Variants in RNF130 observed in about 807,000 individuals in gnomAD.
RNF130 encodes ring finger protein 130, also known as E3 ubiquitin-protein ligase RNF130.
RNF130 carries 21 observed loss-of-function variants against 44.6 expected under a neutral mutation model. The ratio of observed to expected loss-of-function variants is 0.47; its 90% CI spans 0.33 to 0.68. The LOEUF is 0.68. Ranked by LOEUF, RNF130 falls within the 30% of genes least tolerant of loss-of-function variation. The pLI is 0.02. For missense variants in RNF130, 479 were observed against 560.6 expected, an observed-to-expected ratio of 0.85 and a Z score of 1.47; for synonymous variants, 214 against 210.4, an observed-to-expected ratio of 1.02 and a Z score of -0.15.
chr5:179,957,398 C>T (rs1056502977), intron 8 of RNF130, among the ~76,000 whole-genome samples: 7 of 152,240 alleles, frequency 4.6e-5, no homozygotes, highest in East Asian at 3.9e-4. Flanking sequence ...GGTGAGAGAG[C>T]GAGACCCTGT....
At chr5:180,003,806 C>T (rs1763401575) in intron 3 of RNF130, among the ~76,000 whole-genome samples, 1 of 152,144 alleles carries the variant, frequency 6.6e-6, no homozygotes, top group Admixed American at 6.5e-5. Flanking sequence ...TTACCTTCAC[C>T]TAAACACCAT....
chr5:179,946,528 C>T (rs943683900), intron 7 of RNF130, among the ~76,000 whole-genome samples: 1 of 151,610 alleles, frequency 6.6e-6, no homozygotes, highest in South Asian at 2.1e-4. Context: ...CTTAACAGAC[C>T]GACCAGTACA....
At chr5:180,009,054 TGA>T (rs980715974) in intron 3 of RNF130, among the ~76,000 whole-genome samples, 11 of 152,132 alleles carry the variant, frequency 7.2e-5, no homozygotes, top group Non-Finnish European at 1.5e-4. Context: ...AAAGAAGTGC[TGA>T]GAGAGAAATT....
intron 7 of RNF130, among the ~76,000 whole-genome samples, chr5:179,931,930 C>G (rs1233047964): frequency 2.0e-5 from 3 of 152,196 alleles, no homozygotes; most frequent in African/African-American, 7.2e-5. Context: ...TGCTATCCCC[C>G]AAACCACTTC....
chr5:179,966,273 T>C (rs973546223), intron 7 of RNF130, among the ~76,000 whole-genome samples: 1 of 152,150 alleles, frequency 6.6e-6, no homozygotes, highest in African/African-American at 2.4e-5. Context: ...TCCTACCTCA[T>C]GTACAACTAC....
chr5:180,045,326 G>A (rs999781075), intron 1 of RNF130, among the ~76,000 whole-genome samples: 27 of 152,124 alleles, frequency 1.8e-4, no homozygotes, highest in African/African-American at 6.3e-4. Flanking sequence ...GGACCCTCAC[G>A]GTGTTACAGT....
chr5:179,920,390 C>T (rs902786786), exon 8 of RNF130: 14 of 702,096 alleles, frequency 2.0e-5, no homozygotes, highest in East Asian at 8.0e-5. Flanking sequence ...CACCAGACTC[C>T]GAGGGGACAA....
At chr5:180,008,315 T>A (rs932329770) in intron 3 of RNF130, among the ~76,000 whole-genome samples, 1 of 151,796 alleles carries the variant, frequency 6.6e-6, no homozygotes, top group African/African-American at 2.4e-5. Context: ...AAAATCACAA[T>A]CCTCCTCCCA....
chr5:179,927,789 A>C (rs1192601307), intron 7 of RNF130, among the ~76,000 whole-genome samples: 1 of 151,402 alleles, frequency 6.6e-6, no homozygotes, highest in Non-Finnish European at 1.5e-5. Flanking sequence ...ATAGGCTTTC[A>C]CCATGTTAGC....
chr5:179,942,971 T>A (rs1315369547), intron 7 of RNF130, among the ~76,000 whole-genome samples: 1 of 151,816 alleles, frequency 6.6e-6, no homozygotes, highest in Non-Finnish European at 1.5e-5. Context: ...CCGAGGAGGG[T>A]GGATCATGAG....
chr5:180,029,018 C>T (rs924189799), intron 2 of RNF130, among the ~76,000 whole-genome samples: 6 of 152,234 alleles, frequency 3.9e-5, no homozygotes, highest in South Asian at 2.1e-4. Flanking sequence ...TTTAGGTAGA[C>T]GAGGATGCCA....
downstream of RNF130, among the ~76,000 whole-genome samples, chr5:179,951,893 C>A (rs959303179): frequency 6.6e-6 from 1 of 152,082 alleles, no homozygotes; most frequent in African/African-American, 2.4e-5. Flanking sequence ...TCAAAATTTA[C>A]AAATGAGTGA....
chr5:179,939,218 AAAAT>A (rs558042214), intron 7 of RNF130, among the ~76,000 whole-genome samples: 9 of 152,128 alleles, frequency 5.9e-5, no homozygotes, highest in East Asian at 1.9e-4. Context: ...CTCTGTCTCA[AAAAT>A]AAATAAATAA....
chr5:180,010,133 G>C (rs1435437026), intron 3 of RNF130, among the ~76,000 whole-genome samples: 1 of 149,864 alleles, frequency 6.7e-6, no homozygotes, highest in Non-Finnish European at 1.5e-5. Flanking sequence ...TGTAGTCCCA[G>C]CTACTCCGGA....
chr5:179,931,674 C>A (rs1427984084), intron 7 of RNF130, among the ~76,000 whole-genome samples: 1 of 151,038 alleles, frequency 6.6e-6, no homozygotes, highest in Non-Finnish European at 1.5e-5. Flanking sequence ...ACTCGGGAGG[C>A]TGAGGCAGGA....
Position 180,056,059 on chromosome 5 carries a change from G to A in RNF130, c.247+15397C>T, listed in dbSNP as rs13158571. ...AGATGGTGTCACCGTACTCTGGCCT[G>A]GGCGACAGAGCGAAACTGGGTCTTA... On this transcript the variant is annotated intron_variant, in intron 1 of 8. Transcript: ENST00000521389. Among the ~76,000 whole-genome samples the A allele has an allele frequency of 9.5e-3, 1,440 of 151,976 alleles. 8 individuals are homozygous for A. The highest frequency in any genetic ancestry group is 0.015 in the Non-Finnish European group (1,034 of 67,992).
intron 2 of RNF130, among the ~76,000 whole-genome samples, chr5:180,037,487 A>G (rs1275279360): frequency 6.6e-6 from 1 of 152,224 alleles, no homozygotes; most frequent in East Asian, 1.9e-4. Flanking sequence ...GTCACAGAGC[A>G]CGTCAGTGGA....
At chr5:179,936,614 G>A (rs1284861088) in intron 7 of RNF130, among the ~76,000 whole-genome samples, 1 of 152,148 alleles carries the variant, frequency 6.6e-6, no homozygotes, top group Admixed American at 6.6e-5. Flanking sequence ...TCTGGTTTCT[G>A]TCAAGATACC....
intron 2 of RNF130, among the ~76,000 whole-genome samples, chr5:180,017,300 G>A (rs1763763435): frequency 6.6e-6 from 1 of 152,216 alleles, no homozygotes; most frequent in Non-Finnish European, 1.5e-5. Context: ...TTCAGGAAGT[G>A]CAGGCCGGGT....
Sources: allele counts gnomAD v4.1 joint callset (sites outside exome capture counted in the v4.1 genomes callset), GRCh38; gene constraint gnomAD v4.1.1; transcripts MANE v1.5; gene names NCBI Gene and HGNC (gene_info 2026-07-23, HGNC 2026-07-21).